Variants in MBNL2 observed in about 807,000 individuals in gnomAD.
The protein encoded by MBNL2 is muscleblind-like protein 2.
MBNL2 carries 17 observed loss-of-function variants against 41.9 expected under a neutral mutation model. That is an observed-to-expected ratio of 0.41 (90% CI 0.28 to 0.61). MBNL2 has a LOEUF of 0.61. Among genes scored for constraint, MBNL2 ranks in the 20% least tolerant of loss-of-function variants. MBNL2 has a pLI of 0.35. For synonymous variants in MBNL2, 195 were observed against 182.9 expected, an observed-to-expected ratio of 1.07 and a Z score of -0.53; for missense variants, 336 against 505.6, an observed-to-expected ratio of 0.66 and a Z score of 3.22.
the MBNL2 span, among the ~76,000 whole-genome samples, chr13:97,185,140 A>G: frequency 0.028 from 4,213 of 152,324 alleles, 186 homozygotes; most frequent in African/African-American, 0.095. Context: ...ATGATATTTG[A>G]TATCCAAAAC....
At chr13:97,166,829 T>C in the MBNL2 span, among the ~76,000 whole-genome samples, 1 of 117,800 alleles carries the variant, frequency 8.5e-6, no homozygotes, top group Non-Finnish European at 1.8e-5. Context: ...GATAGATAGA[T>C]AGATAGATAG....
Position 97,246,834 on chromosome 13 carries a change from C to T in MBNL2, c.-605+24303C>T, listed in dbSNP as rs2045567639. On this transcript the variant is annotated intron_variant, in intron 1 of 8. Transcript: ENST00000679496. ...GGATATCGGCTTTATGAGCTGGTTA[C>T]AGTCAGCTTTATCGCCAAGCCAGTA... is the stretch of plus-strand genomic sequence containing the variant. Among the ~76,000 whole-genome samples the T allele has an allele frequency of 5.3e-5, 8 of 152,284 alleles. No homozygotes were observed. In the South Asian group the frequency reaches 1.5e-3, roughly 28 times the overall value.
chr13:97,272,688 C>T (rs1382630207), intron 1 of MBNL2, among the ~76,000 whole-genome samples: 1 of 152,142 alleles, frequency 6.6e-6, no homozygotes, highest in African/African-American at 2.4e-5. Context: ...AGGGTGTGAT[C>T]TCACTTAGAG....
At chr13:97,376,656 C>A (rs1231957495) in intron 8 of MBNL2, among the ~76,000 whole-genome samples, 7 of 152,134 alleles carry the variant, frequency 4.6e-5, no homozygotes, top group Non-Finnish European at 4.4e-5. Flanking sequence ...CTGGAAGCAG[C>A]ATCTTTAAGG....
At chr13:97,364,077 T>C (rs2063651260) in intron 7 of MBNL2, among the ~76,000 whole-genome samples, 1 of 152,248 alleles carries the variant, frequency 6.6e-6, no homozygotes, top group South Asian at 2.1e-4. Context: ...CAGTAGCAGA[T>C]AATTCCTCAA....
intron 2 of MBNL2, among the ~76,000 whole-genome samples, chr13:97,294,459 A>C (rs925095442): frequency 2.0e-5 from 3 of 152,246 alleles, no homozygotes; most frequent in Non-Finnish European, 4.4e-5. Flanking sequence ...AAGAACAACC[A>C]AAAAATGTCA....
At position 97,268,491 on chromosome 13, in the gene MBNL2, G is replaced by T. The variant is rs2050291005; in HGVS notation, c.-604-7141G>T. 6.6e-6 allele frequency among the ~76,000 whole-genome samples: 1 copy of T among 152,310 alleles called. No homozygotes were observed. The highest frequency in any genetic ancestry group is 1.5e-5 in the Non-Finnish European group (1 of 68,020). ...AAAAACCGCTGGACTAAAGATCTGG[G>T]CATTGAGGCTCACGGTGTGCATCCC... On this transcript the variant is annotated intron_variant, in intron 1 of 8. Coordinates refer to ENST00000679496, the MANE Select transcript of MBNL2 (RefSeq NM_001382683.1). This position sits in a 1 kb window ranked among gnomAD's most constrained non-coding sequence, Gnocchi z 4.6.
At chr13:97,226,905 G>C (rs2041687239) in intron 1 of MBNL2, among the ~76,000 whole-genome samples, 1 of 152,100 alleles carries the variant, frequency 6.6e-6, no homozygotes. Flanking sequence ...TTAGACTCCT[G>C]TCCCACACTT....
At chr13:97,166,552 G>A in the MBNL2 span, among the ~76,000 whole-genome samples, 2 of 152,152 alleles carry the variant, frequency 1.3e-5, no homozygotes, top group African/African-American at 4.8e-5. Flanking sequence ...CATCTAATCA[G>A]CTGTCAGTGA....
the MBNL2 span, among the ~76,000 whole-genome samples, chr13:97,198,172 T>A: frequency 6.6e-6 from 1 of 152,208 alleles, no homozygotes; most frequent in African/African-American, 2.4e-5. Flanking sequence ...TTGATGAGAC[T>A]GGATGAGATT....
At chr13:97,373,466 A>G (rs1441806426) in intron 8 of MBNL2, among the ~76,000 whole-genome samples, 1 of 131,916 alleles carries the variant, frequency 7.6e-6, no homozygotes, top group Non-Finnish European at 1.6e-5. Context: ...TTCTTTGTGT[A>G]AAAAAAAAAA....
chr13:97,370,900 T>TGG (rs1483649868), intron 8 of MBNL2, among the ~76,000 whole-genome samples: 1 of 151,942 alleles, frequency 6.6e-6, no homozygotes, highest in African/African-American at 2.4e-5. Flanking sequence ...AAAAATTGGT[T>TGG]GGGGGGGAAA....
At chr13:97,219,522 G>A (rs933346687), upstream of MBNL2, among the ~76,000 whole-genome samples, 1 of 152,218 alleles carries the variant, frequency 6.6e-6, no homozygotes, top group Non-Finnish European at 1.5e-5. Context: ...AGGTTCTGGT[G>A]AGGTCTCTGT....
intron 2 of MBNL2, among the ~76,000 whole-genome samples, chr13:97,331,229 T>C (rs1291924822): frequency 1.3e-5 from 2 of 152,226 alleles, no homozygotes; most frequent in Non-Finnish European, 2.9e-5. Flanking sequence ...GCCTTATGCA[T>C]GTGTTAACTC....
intron 3 of MBNL2, among the ~76,000 whole-genome samples, chr13:97,335,641 G>A (rs1462643278): frequency 6.6e-6 from 1 of 152,132 alleles, no homozygotes; most frequent in Non-Finnish European, 1.5e-5. Flanking sequence ...GTGTTTTGGG[G>A]ATAGACAGAC....
chr13:97,353,961 ATCTGG>A lies in MBNL2; in HGVS notation c.805-2831_805-2827del. Among the ~76,000 whole-genome samples, 4 of 148,624 alleles carry A rather than the reference ATCTGG, an allele frequency of 2.7e-5. No individual in the cohort carries two copies. In the Admixed American group the frequency reaches 2.7e-4, roughly 10 times the overall value. ...TTGTCAGTGTTTTCTGACCCCTCAG[ATCTGG>A]TCTTTGCCTATCATGTCTGATGTAG... On this transcript the variant is annotated intron_variant, in intron 5 of 8. Transcript: ENST00000679496.
the MBNL2 span, chr13:97,179,434 C>A: frequency 6.6e-6 from 1 of 152,348 alleles, no homozygotes; most frequent in Non-Finnish European, 1.5e-5. Context: ...ACTCAGAAAA[C>A]AACTGTTAGG....
intron 2 of MBNL2, among the ~76,000 whole-genome samples, chr13:97,303,644 C>G (rs1009139036): frequency 2.0e-4 from 31 of 152,262 alleles, no homozygotes; most frequent in African/African-American, 7.0e-4. Flanking sequence ...TTTCCTCTCT[C>G]AGGCCTTCCT....
intron 2 of MBNL2, among the ~76,000 whole-genome samples, chr13:97,329,900 A>G (rs2060286603): frequency 1.3e-5 from 2 of 152,070 alleles, no homozygotes; most frequent in Non-Finnish European, 2.9e-5. Context: ...TTCAGGTCTC[A>G]GTTTAAATGT....
Sources: gnomAD v4.1 joint callset for allele counts (sites outside exome capture counted in the v4.1 genomes callset) on GRCh38, gnomAD v4.1.1 for gene constraint, Gnocchi (gnomAD v3.1) non-coding constraint, MANE v1.5 for transcripts, NCBI Gene and HGNC (gene_info 2026-07-23, HGNC 2026-07-21) for gene names.